The following RNF128 variants were observed in gnomAD, a reference collection of about 807,000 sequenced individuals.
RNF128 encodes the protein ring finger protein 128, also known as E3 ubiquitin-protein ligase RNF128.
Under a neutral mutation model 26.2 loss-of-function variants are expected in RNF128, and 13 were observed. The observed-to-expected ratio is 0.50, with a 90% CI of 0.32 to 0.79. The LOEUF (loss-of-function observed/expected upper bound fraction) is 0.79, where lower values mean the gene tolerates loss of function less well. Among genes scored for constraint, RNF128 ranks in the 30% least tolerant of loss-of-function variants. The pLI is 0.03. For missense variants in RNF128, 315 were observed against 349.7 expected (o/e 0.90, Z 0.79); for synonymous variants, 149 against 142.5 (o/e 1.05, Z -0.32).
At chrX:106,724,831 C>T (rs1929367453), upstream of RNF128, among the ~76,000 whole-genome samples, 1 of 111,911 alleles carries the variant, frequency 8.9e-6, no homozygotes, top group Non-Finnish European at 1.9e-5. Flanking sequence ...TTCCATTTTA[C>T]TTGTCCTTCT....
intron 1 of RNF128, among the ~76,000 whole-genome samples, chrX:106,734,923 T>C (rs1929567296): frequency 8.9e-6 from 1 of 111,888 alleles, no homozygotes; most frequent in Non-Finnish European, 1.9e-5. Context: ...TAGGGAGTTA[T>C]TACCAAGCAC....
intron 1 of RNF128, among the ~76,000 whole-genome samples, chrX:106,747,513 ACCTTAGAAACC>A (rs1929810378): frequency 9.0e-6 from 1 of 111,067 alleles, no homozygotes; most frequent in Admixed American, 9.6e-5. Context: ...TGATTATAGA[ACCTTAGAAACC>A]TAGCACAGCC....
intron 4 of RNF128, among the ~76,000 whole-genome samples, chrX:106,789,082 T>C (rs1224622492): frequency 1.2e-5 from 1 of 85,531 alleles, no homozygotes; most frequent in African/African-American, 4.3e-5. Flanking sequence ...ATATATACTA[T>C]ATAGTATATA....
intron 1 of RNF128, among the ~76,000 whole-genome samples, chrX:106,729,189 A>G (rs1929460108): frequency 9.0e-6 from 1 of 111,509 alleles, no homozygotes; most frequent in Non-Finnish European, 1.9e-5. Flanking sequence ...GGCTCCCACT[A>G]TATGCCAGGC....
At chrX:106,761,161 CAT>C (rs1421705470) in intron 1 of RNF128, among the ~76,000 whole-genome samples, 3 of 111,819 alleles carry the variant, frequency 2.7e-5, no homozygotes, top group African/African-American at 6.5e-5. Context: ...ACAAATGAAA[CAT>C]ATGAAAAATT....
intron 1 of RNF128, among the ~76,000 whole-genome samples, chrX:106,715,404 G>A (rs1362378063): frequency 1.8e-5 from 2 of 112,029 alleles, no homozygotes; most frequent in African/African-American, 3.2e-5. Flanking sequence ...TCCAAAATAG[G>A]AAAAAGTTCT....
chrX:106,790,406 A>T lies in RNF128; in HGVS notation c.984+124A>T, dbSNP rs181721546. 14 of 408,943 alleles carry T rather than the reference A, an allele frequency of 3.4e-5. No homozygotes were observed. In the East Asian group the frequency reaches 5.3e-4, roughly 15 times the overall value. The allele number at this position is 408,943 out of a possible 1,213,427, so 33.7% of individuals were successfully genotyped here. On this transcript the variant is annotated intron_variant, in intron 5 of 6. Coordinates refer to ENST00000255499, the MANE Select transcript of RNF128 (RefSeq NM_194463.2). ...ACTTATAGTTTATACCTAAAACCAG[A>T]CATATTTATATCATATAGACAATGA...
At chrX:106,789,134 G>C (rs767242257) in intron 4 of RNF128, among the ~76,000 whole-genome samples, 16 of 84,058 alleles carry the variant, frequency 1.9e-4, no homozygotes, top group South Asian at 5.0e-4. Flanking sequence ...ATACTATATA[G>C]TATATAGTGT....
chrX:106,717,684 A>G (rs186808818), intron 1 of RNF128, among the ~76,000 whole-genome samples: 1 of 112,247 alleles, frequency 8.9e-6, no homozygotes, highest in Non-Finnish European at 1.9e-5. Context: ...TAATACCTCT[A>G]TGCCCAATGA....
At chrX:106,765,483 C>T (rs1026714936) in intron 1 of RNF128, among the ~76,000 whole-genome samples, 1 of 110,945 alleles carries the variant, frequency 9.0e-6, no homozygotes, top group African/African-American at 3.3e-5. Context: ...AGAGAAAAGA[C>T]AAATAATGTC....
At chrX:106,705,321 G>A (rs1209592641) in intron 1 of RNF128, among the ~76,000 whole-genome samples, 1 of 111,813 alleles carries the variant, frequency 8.9e-6, no homozygotes, top group African/African-American at 3.3e-5. Flanking sequence ...AAATCAAATG[G>A]CTGGAAAATG....
chrX:106,730,610 C>T (rs1257989643), intron 1 of RNF128, among the ~76,000 whole-genome samples: 1 of 111,791 alleles, frequency 8.9e-6, no homozygotes, highest in African/African-American at 3.3e-5. Context: ...TGAGCTTTGC[C>T]TGGTGTCTAA....
chrX:106,726,693 C>G (rs1405309422), upstream of RNF128: 3 of 1,019,620 alleles, frequency 2.9e-6, no homozygotes, highest in Non-Finnish European at 3.7e-6. Context: ...GAGCCCGACG[C>G]GGCAGCCGCG....
At chrX:106,726,091 C>T (rs1034485076), upstream of RNF128, among the ~76,000 whole-genome samples, 1 of 112,235 alleles carries the variant, frequency 8.9e-6, no homozygotes, top group African/African-American at 3.2e-5. Flanking sequence ...TGAAAACAGT[C>T]ATTCTTTTGT....
chrX:106,721,562 G>T lies in RNF128; in HGVS notation c.406+27154G>T, dbSNP rs1168012080. 6.3e-5 allele frequency among the ~76,000 whole-genome samples: 7 copies of T among 111,731 alleles called. No homozygotes were observed. In the East Asian group the frequency reaches 2.0e-3, roughly 31 times the overall value. On this transcript the variant is annotated intron_variant, in intron 1 of 6. Transcript: ENST00000324342. ...TTAGTATTGCTGATACAAATATTTA[G>T]CAGGGTAGGCCTTTGTGGTAGGATT...
chrX:106,719,356 G>A (rs757430922), intron 1 of RNF128, among the ~76,000 whole-genome samples: 32 of 110,992 alleles, frequency 2.9e-4, no homozygotes, highest in African/African-American at 1.0e-3. Context: ...GAGTACCTGG[G>A]ATTACAGGTG....
intron 1 of RNF128, among the ~76,000 whole-genome samples, chrX:106,696,083 A>G (rs1341766323): frequency 2.7e-5 from 3 of 111,754 alleles, no homozygotes; most frequent in Non-Finnish European, 3.8e-5. Context: ...TATACCTCCA[A>G]TATAACCAAA....
upstream of RNF128, among the ~76,000 whole-genome samples, chrX:106,722,347 T>C (rs763280607): frequency 1.4e-4 from 16 of 110,987 alleles, no homozygotes; most frequent in Non-Finnish European, 2.6e-4. Context: ...CATATATACA[T>C]GCAGATCCCC....
At chrX:106,719,550 C>A (rs1929276750) in intron 1 of RNF128, among the ~76,000 whole-genome samples, 1 of 111,296 alleles carries the variant, frequency 9.0e-6, no homozygotes, top group South Asian at 3.8e-4. Context: ...TAATTTCTCC[C>A]TAATTTACTA....
Sources: allele counts gnomAD v4.1 joint callset (sites outside exome capture counted in the v4.1 genomes callset), GRCh38; gene constraint gnomAD v4.1.1; transcripts MANE v1.5; gene names NCBI Gene and HGNC (gene_info 2026-07-23, HGNC 2026-07-21).